SLC24A2: variants seen among roughly 807,000 people sequenced by gnomAD.
SLC24A2 encodes the protein sodium/potassium/calcium exchanger 2.
SLC24A2 carries 36 observed loss-of-function variants against 62.0 expected under a neutral mutation model. The observed-to-expected ratio is 0.58, with a 90% confidence interval of 0.44 to 0.77. SLC24A2 has a LOEUF of 0.77. Among genes scored for constraint, SLC24A2 ranks in the 30% least tolerant of loss-of-function variants. SLC24A2 has a pLI of 0.00. For missense variants in SLC24A2, 846 were observed against 817.9 expected (o/e 1.03, Z -0.42); for synonymous variants, 358 against 294.0 (o/e 1.22, Z -2.23).
At chr9:20,120,450 G>A in the SLC24A2 span, among the ~76,000 whole-genome samples, 3 of 152,068 alleles carry the variant, frequency 2.0e-5, no homozygotes, top group African/African-American at 4.8e-5. Context: ...AATTAATGCC[G>A]AAACAGAAAA....
chr9:19,892,279 T>A, the SLC24A2 span, among the ~76,000 whole-genome samples: 78 of 152,312 alleles, frequency 5.1e-4, 1 homozygote, highest in East Asian at 0.014. Context: ...TGTCCCCTGC[T>A]CTCATCCCAA....
rs572769346 is a variant in SLC24A2 at position 19,678,799 on chromosome 9, T to C, written c.931-56500A>G. Among the ~76,000 whole-genome samples, 7 of 152,322 alleles carry C rather than the reference T, an allele frequency of 4.6e-5. No individual in the cohort carries two copies. The East Asian group carries it at 1.2e-3, about 25-fold the overall frequency. ...AGACTGCCTATCTGAGAGACAATAA[T>C]GGGTTTCTTCTAAATACCTTCTCAT... On this transcript the variant is annotated intron_variant, in intron 2 of 10. Transcript: ENST00000341998.
At chr9:19,907,995 A>G in the SLC24A2 span, among the ~76,000 whole-genome samples, 1 of 152,218 alleles carries the variant, frequency 6.6e-6, no homozygotes. Context: ...TTTAAAGTTC[A>G]TATGGAACCA....
chr9:19,907,576 C>T, the SLC24A2 span, among the ~76,000 whole-genome samples: 2 of 152,270 alleles, frequency 1.3e-5, no homozygotes, highest in East Asian at 3.9e-4. Flanking sequence ...ATCTAGAAAA[C>T]CCCATCGTCT....
At chr9:19,648,143 C>A (rs1436992923) in intron 2 of SLC24A2, among the ~76,000 whole-genome samples, 2 of 152,160 alleles carry the variant, frequency 1.3e-5, no homozygotes. Context: ...ACGCAATAGA[C>A]TAACAACCCA....
chr9:20,054,151 GTTTTCTTTTCTTTTTTCT>G, the SLC24A2 span, among the ~76,000 whole-genome samples: 1 of 151,762 alleles, frequency 6.6e-6, no homozygotes, highest in Non-Finnish European at 1.5e-5. Context: ...GTGATTTCTA[GTTTTCTTTTCTTTTTTCT>G]TTTTCTTTTC....
the SLC24A2 span, among the ~76,000 whole-genome samples, chr9:20,070,929 C>T: frequency 6.6e-6 from 1 of 152,046 alleles, no homozygotes; most frequent in African/African-American, 2.4e-5. Flanking sequence ...GAGGTGGGGC[C>T]CGGTGGGAGG....
the SLC24A2 span, among the ~76,000 whole-genome samples, chr9:20,021,578 A>G: frequency 6.6e-6 from 1 of 151,968 alleles, no homozygotes; most frequent in Non-Finnish European, 1.5e-5. Flanking sequence ...ACGTAGGTTC[A>G]AGCAGAATCA....
intron 9 of SLC24A2, among the ~76,000 whole-genome samples, chr9:19,526,035 TA>T (rs1833434146): frequency 6.6e-6 from 1 of 152,156 alleles, no homozygotes; most frequent in Non-Finnish European, 1.5e-5. Flanking sequence ...AGGCAACTAT[TA>T]ATATTAACCT....
chr9:20,275,343 T>C, the SLC24A2 span, among the ~76,000 whole-genome samples: 1 of 152,044 alleles, frequency 6.6e-6, no homozygotes, highest in African/African-American at 2.4e-5. Context: ...CACACACTCC[T>C]TCTGCTCAAA....
At chr9:20,032,147 C>G in the SLC24A2 span, among the ~76,000 whole-genome samples, 1 of 152,108 alleles carries the variant, frequency 6.6e-6, no homozygotes, top group Non-Finnish European at 1.5e-5. Context: ...TTTTTGTTAC[C>G]CTGGACCTTT....
chr9:19,866,625 C>CTTTTTTT, the SLC24A2 span, among the ~76,000 whole-genome samples: 2 of 68,190 alleles, frequency 2.9e-5, no homozygotes, highest in African/African-American at 5.8e-5. Context: ...CACGTTTTCA[C>CTTTTTTT]TTTTTTTTTT....
intron 2 of SLC24A2, among the ~76,000 whole-genome samples, chr9:19,678,964 T>C (rs187399070): frequency 6.6e-6 from 1 of 152,304 alleles, no homozygotes; most frequent in East Asian, 1.9e-4. Flanking sequence ...GTGAAGAAAG[T>C]AAAACTTATA....
At chr9:20,263,964 G>A in the SLC24A2 span, among the ~76,000 whole-genome samples, 1 of 149,444 alleles carries the variant, frequency 6.7e-6, no homozygotes, top group African/African-American at 2.5e-5. Flanking sequence ...AGTTTGGATG[G>A]TTTCCTTTCT....
intron 2 of SLC24A2, among the ~76,000 whole-genome samples, chr9:19,660,362 C>T (rs1160841561): frequency 6.6e-6 from 1 of 152,168 alleles, no homozygotes; most frequent in Non-Finnish European, 1.5e-5. Flanking sequence ...GTACTTTAAT[C>T]CTTCTTTTAA....
intron 8 of SLC24A2, among the ~76,000 whole-genome samples, chr9:19,534,054 C>G (rs549444073): frequency 6.6e-6 from 1 of 152,202 alleles, no homozygotes; most frequent in Non-Finnish European, 1.5e-5. Flanking sequence ...CACAGAATGT[C>G]ATGGCTGGCA....
chr9:19,870,988 G>A, the SLC24A2 span, among the ~76,000 whole-genome samples: 3 of 151,912 alleles, frequency 2.0e-5, no homozygotes, highest in African/African-American at 7.2e-5. Flanking sequence ...AATGTTTTTT[G>A]ATGTACAAAA....
At chr9:19,520,842 C>CAA (rs1369852061) in intron 10 of SLC24A2, 52 bp downstream of exon 10, 2 of 1,568,618 alleles carry the variant, frequency 1.3e-6, no homozygotes, top group East Asian at 2.2e-5. Flanking sequence ...TCTAAGAAGA[C>CAA]AAAGACACTG....
At chr9:19,527,471 G>T (rs1274021239) in intron 9 of SLC24A2, among the ~76,000 whole-genome samples, 1 of 152,170 alleles carries the variant, frequency 6.6e-6, no homozygotes, top group Admixed American at 6.5e-5. Context: ...ATTATCAATA[G>T]TTACCACTAT....
Sources: allele counts gnomAD v4.1 joint callset (sites outside exome capture counted in the v4.1 genomes callset), GRCh38; gene constraint gnomAD v4.1.1; transcripts MANE v1.5; gene names NCBI Gene and HGNC (gene_info 2026-07-23, HGNC 2026-07-21).